The following C10orf90 variants were observed in gnomAD, a reference collection of about 807,000 sequenced individuals.
C10orf90 encodes the protein (E2-independent) E3 ubiquitin-conjugating enzyme FATS.
In C10orf90, 56 loss-of-function variants were observed where a neutral mutation model predicts 62.5. That is an observed-to-expected ratio of 0.90 (90% CI 0.72 to 1.12). The LOEUF (loss-of-function observed/expected upper bound fraction) is 1.12. Among genes scored for constraint, C10orf90 ranks in the 50% most tolerant of loss-of-function variants. The pLI is 0.00. For synonymous variants in C10orf90, 386 were observed against 340.4 expected, an observed-to-expected ratio of 1.13 and a Z score of -1.47; for missense variants, 970 against 880.4, an observed-to-expected ratio of 1.10 and a Z score of -1.29.
At chr10:126,554,846 T>A (rs1200695751) in intron 2 of C10orf90, among the ~76,000 whole-genome samples, 1 of 152,206 alleles carries the variant, frequency 6.6e-6, no homozygotes, top group Non-Finnish European at 1.5e-5. Flanking sequence ...TATAGCACAA[T>A]CAAGCCAACA....
intron 1 of C10orf90, among the ~76,000 whole-genome samples, chr10:126,669,514 A>C (rs551097056): frequency 8.5e-5 from 13 of 152,352 alleles, no homozygotes; most frequent in Non-Finnish European, 1.8e-4. Context: ...GCTATATGGG[A>C]GTCAATTACA....
chr10:126,613,623 G>A (rs917120876), intron 2 of C10orf90, among the ~76,000 whole-genome samples: 3 of 152,202 alleles, frequency 2.0e-5, no homozygotes, highest in African/African-American at 7.2e-5. Flanking sequence ...TGAAGAAACT[G>A]AAAAGCCAAG....
At chr10:126,463,555 C>T (rs542720349) in intron 5 of C10orf90, among the ~76,000 whole-genome samples, 8 of 152,340 alleles carry the variant, frequency 5.3e-5, no homozygotes, top group South Asian at 2.1e-4. Context: ...ACAACCCTTG[C>T]GCCCTGGCCC....
chr10:126,595,701 T>C (rs368421298), intron 2 of C10orf90, among the ~76,000 whole-genome samples: 2 of 152,222 alleles, frequency 1.3e-5, no homozygotes, highest in African/African-American at 4.8e-5. Flanking sequence ...GATTCTAACA[T>C]TGTTAGATGT....
chr10:126,523,865 C>T (rs1309771206), intron 2 of C10orf90, among the ~76,000 whole-genome samples: 2 of 152,058 alleles, frequency 1.3e-5, no homozygotes, highest in South Asian at 2.1e-4. Context: ...CTTAGCATGT[C>T]TTCAGGGTTC....
Position 126,532,842 on chromosome 10 carries a change from C to CAAAAAAAAAAAAAAAAAAA in C10orf90, c.314-18904_314-18903insTTTTTTTTTTTTTTTTTTT, listed in dbSNP as rs1269013268. Among the ~76,000 whole-genome samples the CAAAAAAAAAAAAAAAAAAA allele has an allele frequency of 2.4e-3, 29 of 12,098 alleles. 8 individuals carry two copies. The highest frequency in any genetic ancestry group is 8.5e-3 in the African/African-American group (23 of 2,708). The allele number at this position is 12,098 out of a possible 152,430, so 7.9% of individuals were successfully genotyped here. On this transcript the variant is annotated intron_variant, in intron 2 of 9. Transcript: ENST00000488181. ...TGGGCAACAGAGCGAGACTACGTCT[C>CAAAAAAAAAAAAAAAAAAA]AAAAAAAAAAAAAAATAGTGAGCAC...
At chr10:126,548,759 T>C (rs1351703623) in intron 2 of C10orf90, among the ~76,000 whole-genome samples, 6 of 151,920 alleles carry the variant, frequency 3.9e-5, no homozygotes, top group African/African-American at 1.2e-4. Context: ...TTTTTTTTTT[T>C]TGAGACGGAG....
chr10:126,630,565 C>T (rs781219859), intron 2 of C10orf90, among the ~76,000 whole-genome samples: 4 of 152,088 alleles, frequency 2.6e-5, no homozygotes, highest in Non-Finnish European at 4.4e-5. Context: ...ATAGACGCTC[C>T]GTGTGTCTGG....
chr10:126,451,192 T>C (rs1859161156), intron 7 of C10orf90, among the ~76,000 whole-genome samples: 1 of 152,096 alleles, frequency 6.6e-6, no homozygotes, highest in Non-Finnish European at 1.5e-5. Flanking sequence ...CTATAACAAG[T>C]GTTGGCAAGA....
rs200768332 is a variant in C10orf90, at chr10:126,436,794, G to A, written c.2189-6944C>T. On this transcript the variant is annotated intron_variant, in intron 7 of 9. Transcript: ENST00000488181. ...CTCCCACTTCGGCCTCCCCTGAATA[G>A]CAGGGTTTTTGTTGTTTTTGTTGTT... Among the ~76,000 whole-genome samples, 8 of 148,026 alleles carry A rather than the reference G, an allele frequency of 5.4e-5. No individual in the cohort carries two copies. The East Asian group carries it at 1.6e-3, about 29-fold the overall frequency.
intron 4 of C10orf90, among the ~76,000 whole-genome samples, chr10:126,483,010 T>G (rs1301104921): frequency 6.6e-6 from 1 of 152,236 alleles, no homozygotes; most frequent in Non-Finnish European, 1.5e-5. Flanking sequence ...ATTCAATGCA[T>G]TTCTAAAGAA....
At chr10:126,514,290 C>T (rs972004265) in intron 2 of C10orf90, among the ~76,000 whole-genome samples, 2 of 152,182 alleles carry the variant, frequency 1.3e-5, no homozygotes, top group Admixed American at 1.3e-4. Context: ...GATGTCCCAA[C>T]ATCACTAGAG....
chr10:126,494,536 A>T (rs552987328), intron 4 of C10orf90, among the ~76,000 whole-genome samples: 2 of 152,346 alleles, frequency 1.3e-5, no homozygotes, highest in South Asian at 4.1e-4. Context: ...TGGGGCGCAC[A>T]TGAATAGCAT....
rs530598279 is a variant in C10orf90 at position 126,487,080 on chromosome 10, G to A, written c.1534+16877C>T. The stretch of plus-strand genomic sequence containing the variant: ...GGATCACTTGAACCTGGGAGGTAGA[G>A]GTTGCAGTGAGCCAAGATGTGCCAT... On this transcript the variant is annotated intron_variant, in intron 4 of 9. Transcript: ENST00000488181. Among the ~76,000 whole-genome samples the A allele has an allele frequency of 8.4e-5, 12 of 143,036 alleles. No homozygotes were observed. In the South Asian group the frequency reaches 1.1e-3, roughly 13 times the overall value. The allele number at this position is 143,036 out of a possible 152,430, so 93.8% of individuals were successfully genotyped here.
chr10:126,605,879 G>GCATACATA (rs71488504), intron 2 of C10orf90, among the ~76,000 whole-genome samples: 8,653 of 142,758 alleles, frequency 0.061, 284 homozygotes, highest in Middle Eastern at 0.12. Context: ...ATACATACAT[G>GCATACATA]CATACATACA....
chr10:126,539,970 T>C (rs1864335789), intron 2 of C10orf90, among the ~76,000 whole-genome samples: 1 of 152,176 alleles, frequency 6.6e-6, no homozygotes, highest in Admixed American at 6.5e-5. Flanking sequence ...TACCTGTAAA[T>C]CCAAGGGTTT....
At chr10:126,619,384 G>A (rs546236798) in intron 2 of C10orf90, among the ~76,000 whole-genome samples, 1 of 152,310 alleles carries the variant, frequency 6.6e-6, no homozygotes, top group African/African-American at 2.4e-5. Context: ...TTCCCAAGTA[G>A]TTGCGCCAGT....
At chr10:126,668,179 T>G (rs984317561) in intron 1 of C10orf90, among the ~76,000 whole-genome samples, 4 of 152,192 alleles carry the variant, frequency 2.6e-5, no homozygotes, top group Admixed American at 6.5e-5. Context: ...GGGAAGAACT[T>G]GAAATCCATA....
At chr10:126,569,297 C>G (rs1844457398) in intron 2 of C10orf90, among the ~76,000 whole-genome samples, 1 of 152,124 alleles carries the variant, frequency 6.6e-6, no homozygotes, top group Non-Finnish European at 1.5e-5. Flanking sequence ...AAATGCAGCT[C>G]TTTCTGGGGC....
Sources: gnomAD v4.1 joint callset for allele counts (sites outside exome capture counted in the v4.1 genomes callset) on GRCh38, gnomAD v4.1.1 for gene constraint, MANE v1.5 for transcripts, NCBI Gene and HGNC (gene_info 2026-07-23, HGNC 2026-07-21) for gene names.